Variants in SRFBP1 observed in about 807,000 individuals in gnomAD.
SRFBP1 encodes serum response factor binding protein 1, also known as serum response factor-binding protein 1.
SRFBP1 carries 47 observed loss-of-function variants against 45.5 expected under a neutral mutation model. The ratio of observed to expected loss-of-function variants is 1.03; its 90% CI spans 0.82 to 1.32. The LOEUF is 1.32. SRFBP1 is among the 40% of genes most tolerant of loss of function. The pLI, the probability that SRFBP1 is intolerant of heterozygous loss-of-function variation, is 0.00. For missense variants in SRFBP1, 621 were observed against 484.6 expected (o/e 1.28, Z -2.64); for synonymous variants, 203 against 166.3 (o/e 1.22, Z -1.70).
chr5:121,997,737 A>C (rs1437991439), intron 4 of SRFBP1, among the ~76,000 whole-genome samples: 2 of 151,914 alleles, frequency 1.3e-5, no homozygotes, highest in Admixed American at 6.6e-5. Flanking sequence ...CAACCTGCAA[A>C]ATGGGAGAAA....
intron 3 of SRFBP1, among the ~76,000 whole-genome samples, chr5:121,987,101 A>T (rs1393339532): frequency 6.6e-6 from 1 of 152,152 alleles, no homozygotes; most frequent in Non-Finnish European, 1.5e-5. Context: ...CTGGAAAACC[A>T]ATTAGGCTAT....
rs192211951 is a variant in SRFBP1 at position 121,974,936 on chromosome 5, A to G, written c.126-379A>G. 5.9e-5 allele frequency among the ~76,000 whole-genome samples: 9 copies of G among 151,978 alleles called. No individual in the cohort carries two copies. The East Asian group carries it at 1.7e-3, about 29-fold the overall frequency. ...TTTATTTTTTCCTTAAATGCCAGAG[A>G]GCAAATTTTCATTTGATAAAATTAT... On this transcript the variant is annotated intron_variant, in intron 2 of 7. Coordinates refer to ENST00000339397, the MANE Select transcript of SRFBP1 (RefSeq NM_152546.3).
At chr5:122,011,296 G>A (rs1753088659) in intron 4 of SRFBP1, among the ~76,000 whole-genome samples, 2 of 151,986 alleles carry the variant, frequency 1.3e-5, no homozygotes, top group Admixed American at 1.3e-4. Context: ...TAAAAGGTAA[G>A]GTGTTTTCCC....
At chr5:122,057,602 C>G (rs1754105558) in intron 2 of SRFBP1, among the ~76,000 whole-genome samples, 1 of 150,696 alleles carries the variant, frequency 6.6e-6, no homozygotes, top group Non-Finnish European at 1.5e-5. Context: ...GTTGAGATTG[C>G]TGGTGTGTGC....
At chr5:122,015,803 A>G (rs1332679370) in intron 4 of SRFBP1, among the ~76,000 whole-genome samples, 6 of 152,158 alleles carry the variant, frequency 3.9e-5, no homozygotes, top group Admixed American at 3.9e-4. Context: ...CTACAGTAAG[A>G]TGTTTATGTA....
intron 2 of SRFBP1, among the ~76,000 whole-genome samples, chr5:122,052,514 A>T (rs894022891): frequency 6.6e-6 from 1 of 151,802 alleles, no homozygotes; most frequent in African/African-American, 2.4e-5. Flanking sequence ...GAGTCCTGAG[A>T]TTCCTCCCTC....
At chr5:122,077,889 G>C, downstream of SRFBP1, 1 of 1,532,798 alleles carries the variant, frequency 6.5e-7, no homozygotes, top group Non-Finnish European at 8.7e-7. This position sits in a 1 kb window ranked among gnomAD's most constrained non-coding sequence, Gnocchi z 4.9. Flanking sequence ...GGCGGCTCGC[G>C]CGGGGGCTGC....
downstream of SRFBP1, chr5:122,078,170 G>C (rs1754698435): frequency 6.0e-6 from 3 of 498,942 alleles, no homozygotes; most frequent in Non-Finnish European, 9.8e-6. Context: ...CAAGGCGGCT[G>C]CTCGGACGTG....
At chr5:122,077,094 T>G (rs1328093286), downstream of SRFBP1, 1 of 1,534,370 alleles carries the variant, frequency 6.5e-7, no homozygotes, top group African/African-American at 1.4e-5. This position sits in a 1 kb window ranked among gnomAD's most constrained non-coding sequence, Gnocchi z 4.9. Context: ...CTCCTCACCC[T>G]TCGCCCACCG....
At chr5:122,062,559 G>A (rs1580551561) in intron 2 of SRFBP1, among the ~76,000 whole-genome samples, 1 of 152,188 alleles carries the variant, frequency 6.6e-6, no homozygotes, top group South Asian at 2.1e-4. Flanking sequence ...ATATTCAGAT[G>A]CTTTGCCTTG....
intron 2 of SRFBP1, among the ~76,000 whole-genome samples, chr5:122,068,507 C>T (rs1363647530): frequency 6.6e-6 from 1 of 152,128 alleles, no homozygotes; most frequent in Non-Finnish European, 1.5e-5. Context: ...AATTCTCTCA[C>T]TTCCCCTACT....
intron 2 of SRFBP1, among the ~76,000 whole-genome samples, chr5:122,041,698 AAT>A (rs1228625522): frequency 6.6e-6 from 1 of 152,094 alleles, no homozygotes; most frequent in African/African-American, 2.4e-5. Flanking sequence ...CATTATTTTT[AAT>A]AGTTTCTCTG....
intron 2 of SRFBP1, among the ~76,000 whole-genome samples, chr5:122,043,303 C>T (rs978461029): frequency 4.6e-5 from 7 of 151,968 alleles, no homozygotes; most frequent in African/African-American, 1.7e-4. Flanking sequence ...GCAACCTCTG[C>T]TTCCTGGGTT....
At chr5:121,969,828 C>T (rs1752150672) in intron 1 of SRFBP1, among the ~76,000 whole-genome samples, 1 of 152,018 alleles carries the variant, frequency 6.6e-6, no homozygotes, top group South Asian at 2.1e-4. Flanking sequence ...CCCCTTCCTT[C>T]TACTTGTCTT....
At chr5:122,013,926 C>A (rs1428594641) in intron 4 of SRFBP1, among the ~76,000 whole-genome samples, 1 of 152,058 alleles carries the variant, frequency 6.6e-6, no homozygotes, top group East Asian at 1.9e-4. Flanking sequence ...AATCGGTCAA[C>A]AGATAGAAAG....
chr5:121,995,589 A>G (rs1203100134), intron 4 of SRFBP1, among the ~76,000 whole-genome samples: 1 of 152,202 alleles, frequency 6.6e-6, no homozygotes, highest in South Asian at 2.1e-4. Flanking sequence ...ACACCCTAAC[A>G]TCACAATTAA....
At chr5:122,026,893 T>A (rs1580534260) in intron 7 of SRFBP1, 49 bp from the exon 8 acceptor site, 4 of 1,281,560 alleles carry the variant, frequency 3.1e-6, no homozygotes, top group Non-Finnish European at 4.2e-6. Flanking sequence ...ACTTCTCCTA[T>A]ATGCTCTTTA....
chr5:122,020,878 T>A lies in SRFBP1; in HGVS notation c.1067+76T>A, dbSNP rs2112708831. 5 of 1,288,542 alleles carry A rather than the reference T, an allele frequency of 3.9e-6. No homozygotes were observed. The East Asian group carries it at 1.0e-4, about 27-fold the overall frequency. The allele number at this position is 1,288,542 out of a possible 1,614,324, so 79.8% of individuals were successfully genotyped here. A position where few individuals can be genotyped will look rare whatever the true frequency, so the allele number is the denominator to read the frequency against. On this transcript the variant is annotated intron_variant, in intron 6 of 7. Coordinates refer to ENST00000339397, the MANE Select transcript of SRFBP1 (RefSeq NM_152546.3). ...CTATAAATGTCTACTTGTCCATACA[T>A]GAAGAGACTATAATTCTAGTTTGTA... is the stretch of plus-strand genomic sequence containing the variant.
At chr5:122,057,096 A>T (rs967242345) in intron 2 of SRFBP1, among the ~76,000 whole-genome samples, 2 of 152,206 alleles carry the variant, frequency 1.3e-5, no homozygotes, top group African/African-American at 2.4e-5. Context: ...AAGTGTCCTT[A>T]GCTTTCTTGT....
Sources: allele counts gnomAD v4.1 joint callset (sites outside exome capture counted in the v4.1 genomes callset), GRCh38; gene constraint gnomAD v4.1.1; non-coding constraint Gnocchi (gnomAD v3.1); transcripts MANE v1.5; gene names NCBI Gene and HGNC (gene_info 2026-07-23, HGNC 2026-07-21).